CCDC171: variants seen among roughly 807,000 people sequenced by gnomAD.
CCDC171 encodes the protein coiled-coil domain-containing protein 171.
CCDC171 carries 177 observed loss-of-function variants against 168.2 expected under a neutral mutation model. The ratio of observed to expected loss-of-function variants is 1.05; its 90% CI spans 0.93 to 1.19. The LOEUF (loss-of-function observed/expected upper bound fraction) is 1.19. Among genes scored for constraint, CCDC171 ranks in the 50% most tolerant of loss-of-function variants. The pLI, the probability that CCDC171 is intolerant of heterozygous loss-of-function variation, is 0.00. For synonymous variants in CCDC171, 687 were observed against 540.8 expected (o/e 1.27, Z -3.75); for missense variants, 1,991 against 1,539.0 (o/e 1.29, Z -4.91).
downstream of CCDC171, among the ~76,000 whole-genome samples, chr9:16,065,617 G>A (rs934146571): frequency 7.2e-5 from 11 of 152,168 alleles, no homozygotes; most frequent in Non-Finnish European, 1.6e-4. Context: ...TGAGGCAGAG[G>A]ATTAGACCAG....
chr9:15,908,493 T>A (rs1352984349), intron 24 of CCDC171, among the ~76,000 whole-genome samples: 4 of 79,432 alleles, frequency 5.0e-5, no homozygotes, highest in African/African-American at 2.0e-4. Context: ...CATCACACAC[T>A]GGGGCCTGTT....
chr9:15,746,120 A>ATGAT (rs2055257453), intron 18 of CCDC171, among the ~76,000 whole-genome samples: 1 of 152,196 alleles, frequency 6.6e-6, no homozygotes, highest in Non-Finnish European at 1.5e-5. Flanking sequence ...GGAACCACCT[A>ATGAT]TTATCAGCAA....
intron 3 of CCDC171, among the ~76,000 whole-genome samples, chr9:16,005,490 T>C (rs1435308490): frequency 6.6e-6 from 1 of 152,222 alleles, no homozygotes; most frequent in Non-Finnish European, 1.5e-5. Context: ...GAACATATGT[T>C]TTCTTTTGAG....
At chr9:15,797,038 T>C (rs1442828598) in intron 21 of CCDC171, among the ~76,000 whole-genome samples, 2 of 152,200 alleles carry the variant, frequency 1.3e-5, no homozygotes, top group African/African-American at 2.4e-5. Context: ...TTGCTTCACA[T>C]CCTGGTGAAT....
At chr9:15,893,077 T>C (rs929971679) in intron 24 of CCDC171, among the ~76,000 whole-genome samples, 1 of 152,024 alleles carries the variant, frequency 6.6e-6, no homozygotes, top group African/African-American at 2.4e-5. Context: ...GGTACTTGTA[T>C]AAGCACAGAT....
At chr9:15,572,331 G>C (rs1473639532) in intron 3 of CCDC171, among the ~76,000 whole-genome samples, 1 of 151,730 alleles carries the variant, frequency 6.6e-6, no homozygotes, top group South Asian at 2.1e-4. Context: ...TTTTTTCTCT[G>C]ATAAGTCTTA....
At chr9:15,880,796 C>T (rs1291326695) in intron 24 of CCDC171, among the ~76,000 whole-genome samples, 1 of 152,072 alleles carries the variant, frequency 6.6e-6, no homozygotes, top group South Asian at 2.1e-4. Context: ...ATATCTTTTA[C>T]ATTGAAAAAT....
chr9:15,678,331 G>T (rs2049787275), intron 9 of CCDC171, among the ~76,000 whole-genome samples: 2 of 152,096 alleles, frequency 1.3e-5, no homozygotes, highest in Non-Finnish European at 2.9e-5. Flanking sequence ...CACCACACTG[G>T]TTCTACTTGC....
chr9:16,085,244 T>G, the CCDC171 span, among the ~76,000 whole-genome samples: 1 of 152,218 alleles, frequency 6.6e-6, no homozygotes, highest in Non-Finnish European at 1.5e-5. Flanking sequence ...CAGAGCTTGG[T>G]CAGGGAAACA....
At chr9:16,072,594 G>T in the CCDC171 span, among the ~76,000 whole-genome samples, 1 of 152,060 alleles carries the variant, frequency 6.6e-6, no homozygotes, top group Non-Finnish European at 1.5e-5. Flanking sequence ...CCTTCACATG[G>T]CACACTGGCT....
At chr9:15,624,734 C>T (rs899906242) in intron 7 of CCDC171, among the ~76,000 whole-genome samples, 3 of 152,082 alleles carry the variant, frequency 2.0e-5, no homozygotes, top group Admixed American at 6.5e-5. Context: ...TGGGTTGGTT[C>T]CAAGTCTTTG....
intron 3 of CCDC171, among the ~76,000 whole-genome samples, chr9:15,998,723 A>C (rs906166901): frequency 6.6e-6 from 1 of 152,128 alleles, no homozygotes; most frequent in African/African-American, 2.4e-5. Flanking sequence ...AGGTTTATTC[A>C]TGCCCTTCTG....
chr9:16,086,934 T>G, the CCDC171 span, among the ~76,000 whole-genome samples: 1 of 152,228 alleles, frequency 6.6e-6, no homozygotes, highest in South Asian at 2.1e-4. Flanking sequence ...TGTTGTGTCT[T>G]TGTTCTCATT....
At chr9:15,859,649 T>TTTGTA (rs2061479907) in intron 23 of CCDC171, among the ~76,000 whole-genome samples, 1 of 140,120 alleles carries the variant, frequency 7.1e-6, no homozygotes, top group Admixed American at 7.1e-5. Context: ...TTTGTTTTGT[T>TTTGTA]TTGTTTTGTT....
intron 23 of CCDC171, among the ~76,000 whole-genome samples, chr9:15,874,034 T>A (rs1421537510): frequency 6.6e-6 from 1 of 152,122 alleles, no homozygotes; most frequent in Admixed American, 6.6e-5. Flanking sequence ...TTTTTAAGTC[T>A]CCTTTTGTGT....
Position 15,721,875 on chromosome 9 carries a change from G to T in CCDC171, c.1425G>T (p.Glu475Asp). The T allele has an allele frequency of 6.6e-7, 1 of 1,517,376 alleles. No homozygotes were observed. The allele number at this position is 1,517,376 out of a possible 1,614,324, so 94.0% of individuals were successfully genotyped here. The change falls in exon 12 of 26, where the codon GAG becomes GAT. Residue 475 changes from glutamate to aspartate, a missense_variant and splice_region_variant. Physicochemically the swap from Glu to Asp is conservative, Grantham distance 45. Transcript: ENST00000380701. ...YQNKLEDASN[E>D]EKACNELDST... ...ACAAGCTGGAAGATGCATCTAATGA[G>T]GTAACACTTGCACTGTTTGGCTCCA...
chr9:15,710,537 A>G (rs7859685), intron 11 of CCDC171, among the ~76,000 whole-genome samples: 142,295 of 151,962 alleles, frequency 0.94, 66,720 homozygotes, highest in East Asian at 1. Context: ...TCCTGACCTC[A>G]TGATCCGCCC....
intron 22 of CCDC171, 143 bp downstream of exon 22, chr9:15,846,990 C>G (rs927216419): frequency 3.1e-6 from 2 of 637,314 alleles, no homozygotes; most frequent in Non-Finnish European, 5.2e-6. Flanking sequence ...CTGATATATC[C>G]TCAAAAAAGA....
intron 10 of CCDC171, among the ~76,000 whole-genome samples, chr9:15,691,544 T>TATA (rs1554762170): frequency 0.012 from 1,016 of 87,698 alleles, 24 homozygotes; most frequent in African/African-American, 0.051. Context: ...AATATATGTT[T>TATA]TTTATATATA....
Sources: allele counts gnomAD v4.1 joint callset (sites outside exome capture counted in the v4.1 genomes callset), GRCh38; gene constraint gnomAD v4.1.1; transcripts MANE v1.5; gene names NCBI Gene and HGNC (gene_info 2026-07-23, HGNC 2026-07-21).